The following CADPS2 variants were observed in gnomAD, a reference collection of about 807,000 sequenced individuals.
The protein encoded by CADPS2 is calcium dependent secretion activator 2.
In CADPS2, 93 loss-of-function variants were observed where a neutral mutation model predicts 172.5. The observed-to-expected ratio is 0.54, with a 90% CI of 0.46 to 0.64. The LOEUF (loss-of-function observed/expected upper bound fraction) is 0.64, where lower values mean the gene tolerates loss of function less well. CADPS2 is among the 30% of genes least tolerant of loss of function. The pLI, the probability that CADPS2 is intolerant of heterozygous loss-of-function variation, is 0.00. For synonymous variants in CADPS2, 546 were observed against 555.2 expected (o/e 0.98, Z 0.23); for missense variants, 1,420 against 1,565.9 (o/e 0.91, Z 1.57).
chr7:122,736,591 G>A (rs2092167942), intron 2 of CADPS2, among the ~76,000 whole-genome samples: 1 of 152,074 alleles, frequency 6.6e-6, no homozygotes, highest in African/African-American at 2.4e-5. Flanking sequence ...ATAAAGCTTA[G>A]GGAACAAAAT....
intron 1 of CADPS2, among the ~76,000 whole-genome samples, chr7:122,785,424 A>G (rs1793789475): frequency 1.3e-5 from 2 of 152,164 alleles, no homozygotes; most frequent in Admixed American, 6.5e-5. Flanking sequence ...GTTTAAACTG[A>G]TAATGCCCAG....
intron 3 of CADPS2, among the ~76,000 whole-genome samples, chr7:122,631,663 T>C (rs1273036471): frequency 2.0e-5 from 3 of 151,686 alleles, no homozygotes; most frequent in Non-Finnish European, 4.4e-5. Context: ...CCAAAAACAA[T>C]GTAGAGCACT....
intron 2 of CADPS2, among the ~76,000 whole-genome samples, chr7:122,687,741 T>C (rs1458279399): frequency 6.6e-6 from 1 of 152,126 alleles, no homozygotes; most frequent in African/African-American, 2.4e-5. Flanking sequence ...GACAAAAATA[T>C]CTTATAACAT....
chr7:122,676,767 C>T (rs1168761754), intron 2 of CADPS2: 1 of 1,160,224 alleles, frequency 8.6e-7, no homozygotes, highest in Non-Finnish European at 1.3e-6. Context: ...AGAAACTTCT[C>T]CAGACTGTGA....
At chr7:122,749,961 T>TA (rs34910927) in intron 1 of CADPS2, among the ~76,000 whole-genome samples, 26,895 of 133,782 alleles carry the variant, frequency 0.2, 2,579 homozygotes, top group Middle Eastern at 0.3. Flanking sequence ...CCTGTGAGGT[T>TA]AAAAAAAAAA....
At chr7:122,764,350 G>A (rs149084260) in intron 1 of CADPS2, among the ~76,000 whole-genome samples, 30 of 152,214 alleles carry the variant, frequency 2.0e-4, no homozygotes, top group Non-Finnish European at 2.8e-4. Context: ...ATTTATAACT[G>A]TATCCTCAGC....
chr7:122,435,996 G>A (rs995676370), intron 17 of CADPS2, among the ~76,000 whole-genome samples: 4 of 152,022 alleles, frequency 2.6e-5, no homozygotes, highest in African/African-American at 9.7e-5. Context: ...ATTATTCACA[G>A]GGCACAAAGT....
intron 19 of CADPS2, among the ~76,000 whole-genome samples, chr7:122,410,706 G>A (rs549963562): frequency 4.8e-5 from 7 of 145,378 alleles, no homozygotes; most frequent in East Asian, 2.1e-4. Context: ...ATTGACTACC[G>A]CAATCAGTAA....
chr7:122,639,337 G>T (rs2077371782), intron 3 of CADPS2, among the ~76,000 whole-genome samples: 1 of 152,072 alleles, frequency 6.6e-6, no homozygotes, highest in Non-Finnish European at 1.5e-5. Context: ...CCTAAAGGCA[G>T]AATTCAACTG....
intron 14 of CADPS2, among the ~76,000 whole-genome samples, chr7:122,455,997 C>T (rs1331331644): frequency 1.3e-5 from 2 of 152,070 alleles, no homozygotes; most frequent in Non-Finnish European, 2.9e-5. Context: ...GCCACCATGC[C>T]CAGCTTGGAA....
intron 25 of CADPS2, among the ~76,000 whole-genome samples, chr7:122,371,188 C>T (rs1261279343): frequency 2.0e-5 from 3 of 152,110 alleles, no homozygotes; most frequent in Non-Finnish European, 4.4e-5. Flanking sequence ...TATGAAGCAT[C>T]GGCAATAAAT....
intron 1 of CADPS2, among the ~76,000 whole-genome samples, chr7:122,873,176 C>T (rs574126678): frequency 6.6e-6 from 1 of 152,148 alleles, no homozygotes; most frequent in Admixed American, 6.6e-5. Flanking sequence ...TAGCAAAAGG[C>T]ACAAAACAAA....
chr7:122,782,666 T>C (rs1453925001), intron 1 of CADPS2, among the ~76,000 whole-genome samples: 2 of 152,214 alleles, frequency 1.3e-5, no homozygotes, highest in African/African-American at 4.8e-5. Context: ...CTTTGCTTAG[T>C]CTTCATTGGA....
At chr7:122,397,612 T>C (rs1447245797) in intron 20 of CADPS2, among the ~76,000 whole-genome samples, 1 of 152,188 alleles carries the variant, frequency 6.6e-6, no homozygotes, top group Non-Finnish European at 1.5e-5. Flanking sequence ...TCCTTCGTTG[T>C]CCATATGGCA....
At chr7:122,788,389 T>C (rs1794537642) in intron 1 of CADPS2, among the ~76,000 whole-genome samples, 2 of 152,208 alleles carry the variant, frequency 1.3e-5, no homozygotes, top group Non-Finnish European at 2.9e-5. Context: ...GTTCTGGACA[T>C]GGCATTTCAC....
intron 6 of CADPS2, among the ~76,000 whole-genome samples, chr7:122,613,650 T>G (rs528114736): frequency 6.6e-6 from 1 of 151,854 alleles, no homozygotes; most frequent in African/African-American, 2.4e-5. Context: ...GCTGGATTGG[T>G]TGGGGGTTGA....
chr7:122,723,111 T>C (rs1207737073), intron 2 of CADPS2, among the ~76,000 whole-genome samples: 2 of 152,130 alleles, frequency 1.3e-5, no homozygotes, highest in Non-Finnish European at 2.9e-5. Context: ...ATTCAGGACA[T>C]AGGCATGGGC....
intron 17 of CADPS2, among the ~76,000 whole-genome samples, chr7:122,425,760 T>G (rs530852057): frequency 6.6e-6 from 1 of 152,332 alleles, no homozygotes; most frequent in South Asian, 2.1e-4. Flanking sequence ...TTATTCAAAT[T>G]CAGAAACTGA....
intron 1 of CADPS2, among the ~76,000 whole-genome samples, chr7:122,778,343 T>G (rs1341981668): frequency 6.6e-6 from 1 of 152,092 alleles, no homozygotes; most frequent in Non-Finnish European, 1.5e-5. Flanking sequence ...ACATAAAAGT[T>G]TGGAAAACTA....
Sources: gnomAD v4.1 joint callset for allele counts (sites outside exome capture counted in the v4.1 genomes callset) on GRCh38, gnomAD v4.1.1 for gene constraint, MANE v1.5 for transcripts, NCBI Gene and HGNC (gene_info 2026-07-23, HGNC 2026-07-21) for gene names.